The following SFI1 variants were observed in gnomAD, a reference collection of about 807,000 sequenced individuals.
The protein encoded by SFI1 is protein SFI1 homolog.
SFI1 carries 195 observed loss-of-function variants against 207.5 expected under a neutral mutation model. That is an observed-to-expected ratio of 0.94 (90% CI 0.84 to 1.06). SFI1 has a LOEUF of 1.06. SFI1 is among the 50% of genes least tolerant of loss of function. The pLI, the probability that SFI1 is intolerant of heterozygous loss-of-function variation, is 0.00. For synonymous variants in SFI1, 630 were observed against 598.9 expected, an observed-to-expected ratio of 1.05 and a Z score of -0.76; for missense variants, 1,634 against 1,588.0, an observed-to-expected ratio of 1.03 and a Z score of -0.49.
chr22:31,500,608 C>T (rs11089514), intron 1 of SFI1, among the ~76,000 whole-genome samples: 12,565 of 152,002 alleles, frequency 0.083, 876 homozygotes, highest in East Asian at 0.37. Flanking sequence ...CAGGCACCTG[C>T]CACTACACCC....
intron 24 of SFI1, chr22:31,612,394 A>ATATATAT (rs1367477107): frequency 5.6e-5 from 6 of 107,358 alleles, no homozygotes; most frequent in African/African-American, 2.2e-4. Context: ...AAAAAAAAAA[A>ATATATAT]AAAAATATAT....
At chr22:31,560,229 CTT>C (rs1273743568) in intron 7 of SFI1, among the ~76,000 whole-genome samples, 1 of 151,336 alleles carries the variant, frequency 6.6e-6, no homozygotes, top group African/African-American at 2.4e-5. Flanking sequence ...CCCCATGACT[CTT>C]TTCCTAGAGC....
chr22:31,541,063 A>G (rs953481723), intron 4 of SFI1, among the ~76,000 whole-genome samples: 2 of 152,040 alleles, frequency 1.3e-5, no homozygotes, highest in Admixed American at 1.3e-4. Context: ...TGAGTGAATA[A>G]TGGGATCCAG....
At chr22:31,504,858 G>A (rs748812843) in intron 1 of SFI1, among the ~76,000 whole-genome samples, 42 of 152,074 alleles carry the variant, frequency 2.8e-4, no homozygotes, top group Non-Finnish European at 5.3e-4. Flanking sequence ...TTTTAAGAAA[G>A]ACACAAATCG....
intron 2 of SFI1, among the ~76,000 whole-genome samples, chr22:31,524,162 A>T (rs2057621162): frequency 6.6e-6 from 1 of 152,042 alleles, no homozygotes; most frequent in Non-Finnish European, 1.5e-5. Flanking sequence ...AGATGGCGCC[A>T]TTGCACTCCA....
At chr22:31,519,635 A>C (rs1320163956) in intron 2 of SFI1, among the ~76,000 whole-genome samples, 3 of 151,918 alleles carry the variant, frequency 2.0e-5, no homozygotes, top group African/African-American at 7.2e-5. Flanking sequence ...ACAGGGTTTC[A>C]CCATGTTGGC....
At chr22:31,535,553 G>C (rs2058915384) in intron 4 of SFI1, among the ~76,000 whole-genome samples, 1 of 151,464 alleles carries the variant, frequency 6.6e-6, no homozygotes, top group Non-Finnish European at 1.5e-5. Flanking sequence ...GCCCAGGCTG[G>C]AGTGCAGTGG....
At chr22:31,596,496 A>G (rs2067131794) in intron 15 of SFI1, among the ~76,000 whole-genome samples, 1 of 152,112 alleles carries the variant, frequency 6.6e-6, no homozygotes, top group Non-Finnish European at 1.5e-5. Context: ...AGATTCATTC[A>G]AAAATGGCTT....
intron 15 of SFI1, among the ~76,000 whole-genome samples, chr22:31,596,997 AG>A (rs2067239860): frequency 8.4e-6 from 1 of 119,182 alleles, no homozygotes; most frequent in Admixed American, 8.5e-5. Flanking sequence ...TCAGTACTGA[AG>A]ACACGCACAC....
intron 8 of SFI1, among the ~76,000 whole-genome samples, chr22:31,568,737 G>T (rs2062659801): frequency 6.6e-6 from 1 of 151,956 alleles, no homozygotes; most frequent in Non-Finnish European, 1.5e-5. Flanking sequence ...TAATGGAATT[G>T]TGTCAGAAGG....
chr22:31,616,970 T>C (rs372593267), intron 30 of SFI1, 30 bp from the exon 31 acceptor site: 41 of 1,613,732 alleles, frequency 2.5e-5, no homozygotes, highest in Middle Eastern at 3.3e-4. Context: ...GGGAAAATAG[T>C]CTGAAACAAG....
At position 31,528,288 on chromosome 22, in the gene SFI1, C is replaced by T. The variant is rs953519530; in HGVS notation, c.93-402C>T. On this transcript the variant is annotated intron_variant, in intron 2 of 32. Transcript: ENST00000400288. ...AAAATTATCAGGACACAGTGGCGAG[C>T]ACCTGTGGTCCTAGTTGCCTAGTTG... Among the ~76,000 whole-genome samples, 6 of 151,830 alleles carry T rather than the reference C, an allele frequency of 4.0e-5. No individual in the cohort carries two copies. In the East Asian group the frequency reaches 9.7e-4, roughly 25 times the overall value.
intron 8 of SFI1, among the ~76,000 whole-genome samples, chr22:31,570,382 G>C (rs2062829608): frequency 6.6e-6 from 1 of 152,190 alleles, no homozygotes. Flanking sequence ...GCCATTTACT[G>C]AAATAGGAAA....
At chr22:31,618,023 G>A (rs537770336) in intron 31 of SFI1, 92 bp from the exon 32 acceptor site, 30 of 1,382,296 alleles carry the variant, frequency 2.2e-5, no homozygotes, top group South Asian at 1.1e-4. Context: ...CCCGATACCC[G>A]CATCAGAATT....
intron 8 of SFI1, among the ~76,000 whole-genome samples, chr22:31,566,268 A>T (rs1328604798): frequency 6.6e-6 from 1 of 151,696 alleles, no homozygotes; most frequent in Non-Finnish European, 1.5e-5. Flanking sequence ...TAATTATTGT[A>T]TTTTTAGTAG....
At chr22:31,548,207 A>C (rs1484413862) in intron 5 of SFI1, among the ~76,000 whole-genome samples, 1 of 151,382 alleles carries the variant, frequency 6.6e-6, no homozygotes, top group Non-Finnish European at 1.5e-5. Context: ...GCAACAGTGG[A>C]GCGAGACTCC....
chr22:31,573,395 T>C (rs961109786), intron 9 of SFI1, among the ~76,000 whole-genome samples, 181 bp downstream of exon 9: 1 of 152,158 alleles, frequency 6.6e-6, no homozygotes, highest in African/African-American at 2.4e-5. Flanking sequence ...TGGGCTTTTA[T>C]TTATATATCT....
chr22:31,618,271 G>C (rs1308954469), intron 32 of SFI1, 43 bp from the exon 33 acceptor site: 1 of 1,603,260 alleles, frequency 6.2e-7, no homozygotes, highest in Non-Finnish European at 8.5e-7. Flanking sequence ...GACGCCCCGG[G>C]CTGTGCTCCC....
At chr22:31,594,267 G>T (rs913834967) in intron 15 of SFI1, among the ~76,000 whole-genome samples, 7 of 152,034 alleles carry the variant, frequency 4.6e-5, no homozygotes, top group African/African-American at 1.7e-4. Flanking sequence ...TACAAAGGTC[G>T]GGCCGGGTGC....
Sources: gnomAD v4.1 joint callset for allele counts (sites outside exome capture counted in the v4.1 genomes callset) on GRCh38, gnomAD v4.1.1 for gene constraint, MANE v1.5 for transcripts, NCBI Gene and HGNC (gene_info 2026-07-23, HGNC 2026-07-21) for gene names.